Variants in SYT16 observed in about 807,000 individuals in gnomAD.
SYT16 encodes synaptotagmin-16.
In SYT16, 42 loss-of-function variants were observed where a neutral mutation model predicts 61.4. That is an observed-to-expected ratio of 0.68 (90% CI 0.53 to 0.89). SYT16 has a LOEUF of 0.89. SYT16 is among the 40% of genes least tolerant of loss of function. SYT16 has a pLI of 0.00. For synonymous variants in SYT16, 314 were observed against 302.3 expected (o/e 1.04, Z -0.40); for missense variants, 804 against 807.3 (o/e 1.00, Z 0.05).
At chr14:62,092,051 T>C (rs146041576) in intron 7 of SYT16, among the ~76,000 whole-genome samples, 1 of 152,144 alleles carries the variant, frequency 6.6e-6, no homozygotes, top group East Asian at 1.9e-4. Context: ...TAGACATTCC[T>C]CCAAAGTTGA....
At chr14:61,884,429 G>T (rs1250076417) in intron 1 of SYT16, among the ~76,000 whole-genome samples, 3 of 152,152 alleles carry the variant, frequency 2.0e-5, no homozygotes, top group African/African-American at 7.2e-5. Flanking sequence ...AATTAAGGAA[G>T]TACCTTCTGT....
chr14:61,984,012 T>A (rs1195006698), intron 2 of SYT16, among the ~76,000 whole-genome samples: 2 of 152,218 alleles, frequency 1.3e-5, no homozygotes, highest in Non-Finnish European at 2.9e-5. Flanking sequence ...CCTTTGAATG[T>A]TTCTTTTCAA....
chr14:61,987,064 G>A (rs1010091182), intron 2 of SYT16, among the ~76,000 whole-genome samples: 1 of 152,112 alleles, frequency 6.6e-6, no homozygotes, highest in Non-Finnish European at 1.5e-5. Flanking sequence ...AGAAATAAGG[G>A]GTGTTATGGG....
intron 1 of SYT16, among the ~76,000 whole-genome samples, chr14:61,818,178 C>A (rs2045500405): frequency 6.6e-6 from 1 of 152,098 alleles, no homozygotes; most frequent in Non-Finnish European, 1.5e-5. Context: ...GTATAGTGAA[C>A]CCCCATGTAT....
At chr14:62,022,617 TAC>T (rs34287414) in intron 3 of SYT16, among the ~76,000 whole-genome samples, 16,117 of 149,366 alleles carry the variant, frequency 0.11, 889 homozygotes, top group South Asian at 0.18. Context: ...TAATTTGTAT[TAC>T]ACACACACAC....
At chr14:62,021,675 T>TTGG (rs77862062) in intron 3 of SYT16, among the ~76,000 whole-genome samples, 40,635 of 151,814 alleles carry the variant, frequency 0.27, 6,693 homozygotes, top group East Asian at 0.66. Flanking sequence ...AAGAATGGAC[T>TTGG]AAAAGGGAGG....
rs144619953 is a variant in SYT16 at position 61,942,449 on chromosome 14, A to G, written c.-324-27683A>G. ...CTTCACTCTCTTTAGTAAAAATACC[A>G]GTTCTGTTATCAAAGTGACACTCCA... On this transcript the variant is annotated intron_variant, in intron 1 of 7. Coordinates refer to ENST00000683842, the MANE Select transcript of SYT16 (RefSeq NM_001367656.1). Among the ~76,000 whole-genome samples, 397 of 152,320 alleles carry G rather than the reference A, an allele frequency of 2.6e-3. 2 individuals carry two copies. Among genetic ancestry groups the G allele is most frequent in the African/African-American group, 9.0e-3 (376 of 41,582 alleles).
intron 3 of SYT16, among the ~76,000 whole-genome samples, chr14:62,009,899 T>C (rs183488373): frequency 1.1e-3 from 168 of 152,324 alleles, no homozygotes; most frequent in African/African-American, 3.9e-3. Context: ...TTTCTGATAA[T>C]TTGACTGCTT....
intron 1 of SYT16, among the ~76,000 whole-genome samples, chr14:61,910,685 C>A (rs1010645108): frequency 6.6e-6 from 1 of 150,850 alleles, no homozygotes; most frequent in Non-Finnish European, 1.5e-5. Flanking sequence ...TGCACCACCA[C>A]GCCAGGCTAA....
chr14:61,996,646 C>T (rs1240285553), intron 3 of SYT16, 104 bp downstream of exon 3: 3 of 1,341,160 alleles, frequency 2.2e-6, no homozygotes, highest in Non-Finnish European at 3.0e-6. Flanking sequence ...ATTTTTCTCT[C>T]TCTTATACCT....
intron 1 of SYT16, chr14:61,832,096 C>T: frequency 2.7e-6 from 2 of 730,408 alleles, no homozygotes; most frequent in South Asian, 2.8e-5. Flanking sequence ...CTGTTCATCT[C>T]AGCAAAGCTC....
At chr14:61,944,889 G>A (rs2050359037) in intron 1 of SYT16, among the ~76,000 whole-genome samples, 1 of 151,944 alleles carries the variant, frequency 6.6e-6, no homozygotes, top group African/African-American at 2.4e-5. Flanking sequence ...TAAACAAATG[G>A]GATTAATTAA....
At chr14:61,858,120 CAAAAAAA>C (rs34781118) in intron 1 of SYT16, among the ~76,000 whole-genome samples, 7,796 of 42,742 alleles carry the variant, frequency 0.18, 136 homozygotes, top group African/African-American at 0.31. Flanking sequence ...CACAGCTTGG[CAAAAAAA>C]AAAAAAAAAA....
At chr14:62,041,267 C>A (rs751892710) in intron 3 of SYT16, among the ~76,000 whole-genome samples, 1 of 152,170 alleles carries the variant, frequency 6.6e-6, no homozygotes, top group Non-Finnish European at 1.5e-5. Flanking sequence ...CACCCACAAA[C>A]AATACTGTGT....
At chr14:62,031,280 C>G (rs1488652112) in intron 3 of SYT16, among the ~76,000 whole-genome samples, 1 of 152,182 alleles carries the variant, frequency 6.6e-6, no homozygotes, top group Non-Finnish European at 1.5e-5. Context: ...ACTTGCCAAT[C>G]TGGATTTCGA....
chr14:61,830,567 A>G (rs1475775715), intron 1 of SYT16, among the ~76,000 whole-genome samples: 2 of 152,164 alleles, frequency 1.3e-5, no homozygotes, highest in Non-Finnish European at 2.9e-5. Context: ...CACATGGACC[A>G]TTTAGGGGTC....
chr14:62,037,878 A>T (rs1326331997), intron 3 of SYT16, among the ~76,000 whole-genome samples: 9 of 152,096 alleles, frequency 5.9e-5, no homozygotes, highest in African/African-American at 2.2e-4. Context: ...GTGTCATAGA[A>T]GAGGGAGCTG....
At chr14:61,845,665 A>T (rs1442942076) in intron 1 of SYT16, among the ~76,000 whole-genome samples, 3 of 151,956 alleles carry the variant, frequency 2.0e-5, no homozygotes, top group Non-Finnish European at 4.4e-5. Context: ...GATATTTTGT[A>T]TTCTTCATTT....
chr14:61,912,583 C>T (rs139683516), intron 1 of SYT16, among the ~76,000 whole-genome samples: 50 of 152,224 alleles, frequency 3.3e-4, no homozygotes, highest in African/African-American at 1.1e-3. Flanking sequence ...GTGGCCCTAA[C>T]CTGATTTATT....
Sources: gnomAD v4.1 joint callset for allele counts (sites outside exome capture counted in the v4.1 genomes callset) on GRCh38, gnomAD v4.1.1 for gene constraint, MANE v1.5 for transcripts, NCBI Gene and HGNC (gene_info 2026-07-23, HGNC 2026-07-21) for gene names.